NKAIN3: variants seen among roughly 807,000 people sequenced by gnomAD.
The protein encoded by NKAIN3 is sodium/potassium-transporting ATPase subunit beta-1-interacting protein 3.
A neutral mutation model predicts 30.2 loss-of-function variants in NKAIN3; 25 were observed. The observed-to-expected ratio is 0.83, with a 90% CI of 0.60 to 1.16. NKAIN3 has a LOEUF of 1.16. Among genes scored for constraint, NKAIN3 ranks in the 50% most tolerant of loss-of-function variants. The pLI is 0.00. For synonymous variants in NKAIN3, 91 were observed against 89.6 expected (o/e 1.02, Z -0.09); for missense variants, 225 against 254.1 (o/e 0.89, Z 0.78).
intron 1 of NKAIN3, among the ~76,000 whole-genome samples, chr8:62,360,693 A>G (rs551276548): frequency 1.3e-5 from 2 of 152,166 alleles, no homozygotes; most frequent in East Asian, 1.9e-4. Context: ...TTCTGTCTCA[A>G]TGATCTGACT....
intron 1 of NKAIN3, among the ~76,000 whole-genome samples, chr8:62,531,001 A>G (rs1401317717): frequency 6.6e-6 from 1 of 152,170 alleles, no homozygotes; most frequent in Non-Finnish European, 1.5e-5. Context: ...GTCTGTTCAC[A>G]TTAAAAAGCA....
intron 4 of NKAIN3, among the ~76,000 whole-genome samples, chr8:62,804,130 C>A (rs575730671): frequency 1.3e-5 from 2 of 152,194 alleles, no homozygotes; most frequent in East Asian, 3.9e-4. Flanking sequence ...AATAGCTTAC[C>A]AACCAAAAAG....
At chr8:62,335,689 TA>T (rs1298823620) in intron 1 of NKAIN3, among the ~76,000 whole-genome samples, 1 of 152,004 alleles carries the variant, frequency 6.6e-6, no homozygotes, top group Non-Finnish European at 1.5e-5. Flanking sequence ...ACAGTAATTC[TA>T]AAATCCAACC....
intron 4 of NKAIN3, among the ~76,000 whole-genome samples, chr8:62,813,949 T>C (rs1002346936): frequency 2.0e-5 from 3 of 152,086 alleles, no homozygotes; most frequent in African/African-American, 7.2e-5. Flanking sequence ...CTTTTAGTGC[T>C]ATGAATATAT....
chr8:62,854,461 T>G (rs757114845), intron 4 of NKAIN3, among the ~76,000 whole-genome samples: 6 of 152,250 alleles, frequency 3.9e-5, no homozygotes, highest in South Asian at 4.1e-4. Context: ...TGCCCTTTTC[T>G]GTCCTTTTGA....
chr8:62,528,324 A>AATATTTATATTAT (rs1808377179), intron 1 of NKAIN3, among the ~76,000 whole-genome samples: 1 of 73,352 alleles, frequency 1.4e-5, no homozygotes, highest in Non-Finnish European at 2.6e-5. Flanking sequence ...TATATTATAT[A>AATATTTATATTAT]ATATATATAT....
intron 4 of NKAIN3, among the ~76,000 whole-genome samples, chr8:62,777,037 T>G (rs1172087649): frequency 1.3e-5 from 2 of 152,190 alleles, no homozygotes; most frequent in Non-Finnish European, 2.9e-5. Flanking sequence ...TCTCATGCTC[T>G]CCAGGGTTGC....
At chr8:62,804,749 G>A (rs1265274975) in intron 4 of NKAIN3, among the ~76,000 whole-genome samples, 14 of 152,136 alleles carry the variant, frequency 9.2e-5, no homozygotes, top group Non-Finnish European at 1.5e-4. Flanking sequence ...AAAAGACAGG[G>A]ATGCCCTCTC....
intron 3 of NKAIN3, among the ~76,000 whole-genome samples, chr8:62,735,391 T>C (rs1244526262): frequency 6.7e-6 from 1 of 148,924 alleles, no homozygotes; most frequent in Non-Finnish European, 1.5e-5. Flanking sequence ...TTTTTTTTTT[T>C]TTTGAGCTCT....
chr8:62,760,615 G>A (rs1816622546), intron 4 of NKAIN3, among the ~76,000 whole-genome samples: 1 of 149,322 alleles, frequency 6.7e-6, no homozygotes, highest in Non-Finnish European at 1.5e-5. Context: ...ATCACACACT[G>A]GGGCCTGTTG....
At chr8:62,701,060 T>A (rs1346346397) in intron 3 of NKAIN3, among the ~76,000 whole-genome samples, 1 of 152,254 alleles carries the variant, frequency 6.6e-6, no homozygotes, top group Non-Finnish European at 1.5e-5. Context: ...ATTATTTTGT[T>A]GAAGGTCAGC....
In NKAIN3 at chr8:62,858,674, C is replaced by T. The variant is rs570862917; in HGVS notation, c.472-59779C>T. On this transcript the variant is annotated intron_variant, in intron 4 of 6. Coordinates refer to ENST00000623646, the MANE Select transcript of NKAIN3 (RefSeq NM_001304533.3). ...CTATGCTGCACTGGGGAAACTCTTC[C>T]TCATCCAGACCATTTGGACTCTTCA... Among the ~76,000 whole-genome samples, 24 of 152,266 alleles carry T rather than the reference C, an allele frequency of 1.6e-4. No homozygotes were observed. In the South Asian group the frequency reaches 4.1e-3, roughly 26 times the overall value.
At chr8:62,718,447 G>A (rs1814978032) in intron 3 of NKAIN3, among the ~76,000 whole-genome samples, 1 of 152,148 alleles carries the variant, frequency 6.6e-6, no homozygotes, top group Admixed American at 6.5e-5. Flanking sequence ...ATTATTTGTT[G>A]ATGATTTTTT....
chr8:62,437,313 A>G (rs1805200007), intron 1 of NKAIN3, among the ~76,000 whole-genome samples: 1 of 152,220 alleles, frequency 6.6e-6, no homozygotes, highest in Non-Finnish European at 1.5e-5. Context: ...TCCCAAATAG[A>G]AACGTAAGGC....
chr8:62,476,873 G>A (rs1215889716), intron 1 of NKAIN3, among the ~76,000 whole-genome samples: 2 of 152,088 alleles, frequency 1.3e-5, no homozygotes, highest in East Asian at 3.9e-4. Context: ...TAAAATTCCT[G>A]TGGCCCCTTT....
At chr8:62,589,338 G>T (rs1389238240) in intron 2 of NKAIN3, among the ~76,000 whole-genome samples, 1 of 151,700 alleles carries the variant, frequency 6.6e-6, no homozygotes, top group Non-Finnish European at 1.5e-5. Context: ...TCCTTAAAAT[G>T]TGACAGTTTT....
chr8:62,659,540 C>A (rs761445212), intron 3 of NKAIN3, among the ~76,000 whole-genome samples: 2 of 152,214 alleles, frequency 1.3e-5, no homozygotes, highest in African/African-American at 2.4e-5. Flanking sequence ...ATTGTAACAA[C>A]AAGGGCTTTA....
At chr8:62,845,784 A>C (rs1343999093) in intron 4 of NKAIN3, among the ~76,000 whole-genome samples, 1 of 152,100 alleles carries the variant, frequency 6.6e-6, no homozygotes, top group Non-Finnish European at 1.5e-5. Flanking sequence ...GAAAAGAAAA[A>C]AATGAGTGGC....
intron 6 of NKAIN3, among the ~76,000 whole-genome samples, chr8:62,957,139 C>CT (rs11345608): frequency 2.5e-4 from 38 of 149,288 alleles, no homozygotes; most frequent in South Asian, 1.3e-3. Flanking sequence ...TTATAGCAGC[C>CT]TTTTTTTTTT....
Sources: gnomAD v4.1 joint callset for allele counts (sites outside exome capture counted in the v4.1 genomes callset) on GRCh38, gnomAD v4.1.1 for gene constraint, MANE v1.5 for transcripts, NCBI Gene and HGNC (gene_info 2026-07-23, HGNC 2026-07-21) for gene names.